The following SLC14A2 variants were observed in gnomAD, a reference collection of about 807,000 sequenced individuals.
SLC14A2 encodes urea transporter 2.
SLC14A2 carries 91 observed loss-of-function variants against 104.6 expected under a neutral mutation model. The ratio of observed to expected loss-of-function variants is 0.87; its 90% CI spans 0.73 to 1.04. SLC14A2 has a LOEUF of 1.04. SLC14A2 is among the 50% of genes least tolerant of loss of function. The pLI, the probability that SLC14A2 is intolerant of heterozygous loss-of-function variation, is 0.00. For missense variants in SLC14A2, 1,189 were observed against 1,156.0 expected (o/e 1.03, Z -0.41); for synonymous variants, 476 against 466.4 (o/e 1.02, Z -0.27).
At chr18:45,207,336 G>C in the SLC14A2 span, among the ~76,000 whole-genome samples, 17 of 148,112 alleles carry the variant, frequency 1.1e-4, no homozygotes, top group Admixed American at 5.4e-4. Flanking sequence ...GGGAAGAAAG[G>C]GAGAAAAGGA....
chr18:45,402,095 C>T (rs145335846), intron 1 of SLC14A2, among the ~76,000 whole-genome samples: 1,524 of 152,188 alleles, frequency 0.01, 16 homozygotes, highest in African/African-American at 0.025. Context: ...AGTGATGATA[C>T]GGGTACTGAG....
chr18:45,366,847 C>T (rs982520243), intron 1 of SLC14A2, among the ~76,000 whole-genome samples: 1 of 152,178 alleles, frequency 6.6e-6, no homozygotes, highest in African/African-American at 2.4e-5. Context: ...GCAGTCTACC[C>T]CCTTCAGAAT....
chr18:45,487,633 A>G (rs2087634229), intron 2 of SLC14A2, among the ~76,000 whole-genome samples: 1 of 152,136 alleles, frequency 6.6e-6, no homozygotes, highest in South Asian at 2.1e-4. Flanking sequence ...GTTGGAAGTA[A>G]GAGGGCTTTC....
intron 15 of SLC14A2, 83 bp downstream of exon 15, chr18:45,668,560 C>T (rs1222607619): frequency 2.1e-5 from 31 of 1,478,994 alleles, no homozygotes; most frequent in African/African-American, 8.3e-5. Flanking sequence ...TCTGTCTAAA[C>T]GTGATATTAA....
intron 2 of SLC14A2, among the ~76,000 whole-genome samples, chr18:45,530,777 C>A (rs2043672640): frequency 6.6e-6 from 1 of 151,940 alleles, no homozygotes; most frequent in South Asian, 2.1e-4. Flanking sequence ...TATACATGTG[C>A]CATGTTGGTG....
intron 2 of SLC14A2, among the ~76,000 whole-genome samples, chr18:45,495,154 A>C (rs1334694762): frequency 6.6e-6 from 1 of 152,156 alleles, no homozygotes; most frequent in African/African-American, 2.4e-5. Flanking sequence ...AATACTTGGC[A>C]AATGCATGAG....
chr18:45,539,667 C>T (rs563613806), intron 2 of SLC14A2, among the ~76,000 whole-genome samples: 2 of 152,254 alleles, frequency 1.3e-5, no homozygotes, highest in East Asian at 3.9e-4. Context: ...TTCCCCTTGC[C>T]CCCATGGTGT....
At chr18:45,419,773 CA>C (rs56030142) in intron 1 of SLC14A2, among the ~76,000 whole-genome samples, 135,631 of 138,866 alleles carry the variant, frequency 0.98, 66,217 homozygotes, top group East Asian at 0.99. Flanking sequence ...GACTCCAACT[CA>C]AAAAAAAAAA....
At chr18:45,643,019 C>A in intron 8 of SLC14A2, 113 bp from the exon 9 acceptor site, 1 of 869,394 alleles carries the variant, frequency 1.2e-6, no homozygotes, top group Non-Finnish European at 1.9e-6. Context: ...TCTGAGGCTG[C>A]AGGAGAGAGG....
intron 1 of SLC14A2, among the ~76,000 whole-genome samples, chr18:45,458,075 A>G (rs1347162796): frequency 6.6e-6 from 1 of 152,194 alleles, no homozygotes; most frequent in Non-Finnish European, 1.5e-5. Flanking sequence ...AGGTAATAGC[A>G]AAGAGCCTGG....
intron 2 of SLC14A2, among the ~76,000 whole-genome samples, chr18:45,530,250 C>A (rs2043662589): frequency 6.6e-6 from 1 of 152,138 alleles, no homozygotes. Context: ...TAACAATAAC[C>A]TTTTTAAAAA....
intron 1 of SLC14A2, among the ~76,000 whole-genome samples, chr18:45,381,462 C>T (rs2085834107): frequency 6.6e-6 from 1 of 152,194 alleles, no homozygotes; most frequent in African/African-American, 2.4e-5. Context: ...CCCCAAACTG[C>T]ATAAACCACA....
At chr18:45,494,566 A>T (rs1319886491) in intron 2 of SLC14A2, among the ~76,000 whole-genome samples, 1 of 151,824 alleles carries the variant, frequency 6.6e-6, no homozygotes, top group Non-Finnish European at 1.5e-5. Context: ...CCCAGAAAAA[A>T]AATTTTTTTT....
rs532121125 is a variant in SLC14A2 at position 45,274,012 on chromosome 18, G to GA, written c.-125+60827dup. On this transcript the variant is annotated intron_variant, in intron 1 of 20. Coordinates refer to the SLC14A2 transcript ENST00000586448. ...CAGAACTAATGAGAATTAGGTGCAA[G>GA]AAAAAATGCAATACAATGCACACTG... Among the ~76,000 whole-genome samples, 508 of 152,234 alleles carry GA rather than the reference G, an allele frequency of 3.3e-3. 1 individual carries two copies. The highest frequency in any genetic ancestry group is 0.017 in the Middle Eastern group (5 of 294).
At position 45,644,158 on chromosome 18, in the gene SLC14A2, G is replaced by C; in HGVS notation, c.1349G>C (p.Ser450Thr). The change falls in exon 10 of 20, where the codon AGC becomes ACC. Residue 450 changes from serine (S) to threonine (T), a missense_variant and splice_region_variant. Ser to Thr is a moderately conservative substitution (Grantham distance 58, BLOSUM62 1). Transcript: ENST00000255226. ...AGCGGTGAAGAAGAGAAGGCCCCCA[G>C]CGGTGAATAGCCATGTTCGGGGAAG... ...VKSGEEEKAPSGGGGEHPPTA... is the reference protein window; with the variant it reads ...VKSGEEEKAPTGGGGEHPPTA... The C allele has an allele frequency of 1.2e-6, 2 of 1,614,162 alleles. No individual in the cohort carries two copies. Among genetic ancestry groups the C allele is most frequent in the Middle Eastern group, 1.6e-4 (1 of 6,062 alleles).
intron 2 of SLC14A2, among the ~76,000 whole-genome samples, chr18:45,494,939 C>CACACAT (rs1326295363): frequency 6.6e-6 from 1 of 151,520 alleles, no homozygotes; most frequent in Non-Finnish European, 1.5e-5. Flanking sequence ...CACACACACA[C>CACACAT]ATCCTTTCTT....
At chr18:45,392,172 A>G (rs2085976523) in intron 1 of SLC14A2, among the ~76,000 whole-genome samples, 1 of 152,200 alleles carries the variant, frequency 6.6e-6, no homozygotes, top group Non-Finnish European at 1.5e-5. Context: ...GAGTGGGCAA[A>G]GTGAAAGACA....
intron 1 of SLC14A2, among the ~76,000 whole-genome samples, chr18:45,252,400 T>C (rs2084432465): frequency 6.6e-6 from 1 of 152,208 alleles, no homozygotes; most frequent in African/African-American, 2.4e-5. Context: ...GGGGTGTCCC[T>C]CAGGGTTCCC....
At chr18:45,582,487 T>TA (rs56070611) in intron 2 of SLC14A2, among the ~76,000 whole-genome samples, 13,089 of 151,634 alleles carry the variant, frequency 0.086, 765 homozygotes, top group Non-Finnish European at 0.13. Context: ...GCCATATCAA[T>TA]AAAAAAAAAT....
Sources: gnomAD v4.1 joint callset for allele counts (sites outside exome capture counted in the v4.1 genomes callset) on GRCh38, gnomAD v4.1.1 for gene constraint, MANE v1.5 for transcripts, NCBI Gene and HGNC (gene_info 2026-07-23, HGNC 2026-07-21) for gene names.